The following MTMR9 variants were observed in gnomAD, a reference collection of about 807,000 sequenced individuals.
MTMR9 encodes myotubularin related protein 9.
Under a neutral mutation model 69.5 loss-of-function variants are expected in MTMR9, and 39 were observed. The ratio of observed to expected loss-of-function variants is 0.56; its 90% CI spans 0.43 to 0.73. The LOEUF is 0.73. Among genes scored for constraint, MTMR9 ranks in the 30% least tolerant of loss-of-function variants. The pLI is 0.00. For synonymous variants in MTMR9, 354 were observed against 240.8 expected (o/e 1.47, Z -4.35); for missense variants, 900 against 671.2 (o/e 1.34, Z -3.77).
intron 1 of MTMR9, 174 bp from the exon 2 acceptor site, chr8:11,295,020 G>A (rs777308391): frequency 2.2e-6 from 1 of 455,842 alleles, no homozygotes; most frequent in Non-Finnish European, 3.8e-6. Context: ...TATATTGTAA[G>A]TAATGTATGG....
chr8:11,317,208 C>G (rs1800456829), intron 8 of MTMR9: 2 of 169,464 alleles, frequency 1.2e-5, no homozygotes, highest in Non-Finnish European at 2.5e-5. Context: ...TTCAGGTCTT[C>G]CCTCTAATTT....
chr8:11,301,754 TA>T (rs1436479972), intron 3 of MTMR9, among the ~76,000 whole-genome samples: 1 of 151,928 alleles, frequency 6.6e-6, no homozygotes, highest in African/African-American at 2.4e-5. Context: ...CAAAGTTGAC[TA>T]AAAAGAAGAT....
intron 9 of MTMR9, 48 bp from the exon 10 acceptor site, chr8:11,322,577 A>G (rs748344553): frequency 1.5e-5 from 22 of 1,516,012 alleles, no homozygotes; most frequent in African/African-American, 8.3e-5. Context: ...ATTTTAATCC[A>G]TTGTATATAC....
chr8:11,321,337 C>G, intron 9 of MTMR9: 1 of 449,486 alleles, frequency 2.2e-6, no homozygotes. Context: ...ATCTCTTAAA[C>G]GAGAGGTTAC....
chr8:11,308,648 G>A (rs1800063101), intron 5 of MTMR9, among the ~76,000 whole-genome samples: 1 of 152,310 alleles, frequency 6.6e-6, no homozygotes, highest in Admixed American at 6.5e-5. Flanking sequence ...ATTGTTCACA[G>A]TAGTCTCTTA....
At chr8:11,297,579 C>G (rs958634322) in intron 2 of MTMR9, among the ~76,000 whole-genome samples, 1 of 148,758 alleles carries the variant, frequency 6.7e-6, no homozygotes, top group Non-Finnish European at 1.5e-5. Context: ...GACCAGTCTT[C>G]GTTTTTCTTA....
intron 3 of MTMR9, among the ~76,000 whole-genome samples, chr8:11,301,492 A>G (rs948957962): frequency 1.3e-5 from 2 of 152,248 alleles, no homozygotes; most frequent in African/African-American, 4.8e-5. Flanking sequence ...CACATCATCC[A>G]CAAAAATTAA....
chr8:11,321,490 A>G (rs1165449764), intron 9 of MTMR9: 1 of 456,532 alleles, frequency 2.2e-6, no homozygotes, highest in African/African-American at 2.0e-5. Context: ...GCTTTGTACC[A>G]AACCTCCTTG....
At chr8:11,313,234 C>G (rs1188869175) in intron 6 of MTMR9, among the ~76,000 whole-genome samples, 1 of 152,222 alleles carries the variant, frequency 6.6e-6, no homozygotes, top group Non-Finnish European at 1.5e-5. Flanking sequence ...TTCCTTACTT[C>G]TCTCAGCCTT....
At chr8:11,309,493 G>T in intron 5 of MTMR9, 34 bp from the exon 6 acceptor site, 1 of 1,553,950 alleles carries the variant, frequency 6.4e-7, no homozygotes, top group South Asian at 1.2e-5. Flanking sequence ...CTATTTTCTG[G>T]GTTTGTTATT....
At chr8:11,289,932 C>G (rs1164407807) in intron 1 of MTMR9, among the ~76,000 whole-genome samples, 1 of 152,166 alleles carries the variant, frequency 6.6e-6, no homozygotes, top group Admixed American at 6.5e-5. Context: ...GGTAAACATA[C>G]TCATTCATGT....
At chr8:11,338,113 C>T in the MTMR9 span, among the ~76,000 whole-genome samples, 1 of 152,196 alleles carries the variant, frequency 6.6e-6, no homozygotes, top group South Asian at 2.1e-4. Context: ...AGACACTGTC[C>T]CATGACTCAG....
At chr8:11,298,717 T>G (rs1799640019) in intron 2 of MTMR9, 5 of 811,918 alleles carry the variant, frequency 6.2e-6, no homozygotes, top group Non-Finnish European at 7.2e-6. Flanking sequence ...CTTTCCCCGC[T>G]GCACCCCCCC....
chr8:11,300,334 A>G (rs1213534612), intron 3 of MTMR9, 186 bp downstream of exon 3: 4 of 492,912 alleles, frequency 8.1e-6, no homozygotes, highest in African/African-American at 8.0e-5. Flanking sequence ...AATTAGATTA[A>G]TAATCAGTAA....
intron 1 of MTMR9, among the ~76,000 whole-genome samples, chr8:11,290,011 G>A (rs755987566): frequency 5.9e-5 from 9 of 152,148 alleles, no homozygotes; most frequent in Non-Finnish European, 1.2e-4. Context: ...CCATAAAGTA[G>A]GTGCGTATCT....
chr8:11,308,032 A>G (rs1800031502), intron 5 of MTMR9, among the ~76,000 whole-genome samples: 1 of 151,914 alleles, frequency 6.6e-6, no homozygotes, highest in Non-Finnish European at 1.5e-5. Flanking sequence ...GCTGTGCAAA[A>G]CTTGTTAGTT....
the MTMR9 span, among the ~76,000 whole-genome samples, chr8:11,333,652 C>T: frequency 6.6e-6 from 1 of 151,978 alleles, no homozygotes; most frequent in East Asian, 1.9e-4. Flanking sequence ...TTTTTATTTT[C>T]CATAGGAATT....
downstream of MTMR9, chr8:11,331,266 G>A (rs746349328): frequency 3.2e-5 from 51 of 1,613,790 alleles, no homozygotes; most frequent in East Asian, 5.6e-4. Flanking sequence ...TGCTGGCTTC[G>A]TGGGCCCCCT....
chr8:11,331,268 G>C (rs770262665), downstream of MTMR9: 5 of 1,613,832 alleles, frequency 3.1e-6, no homozygotes, highest in African/African-American at 6.7e-5. Context: ...CTGGCTTCGT[G>C]GGCCCCCTTT....
Sources: allele counts gnomAD v4.1 joint callset (sites outside exome capture counted in the v4.1 genomes callset), GRCh38; gene constraint gnomAD v4.1.1; transcripts MANE v1.5; gene names NCBI Gene and HGNC (gene_info 2026-07-23, HGNC 2026-07-21).